ALPK1: variants seen among roughly 807,000 people sequenced by gnomAD.
ALPK1 encodes alpha kinase 1.
ALPK1 carries 110 observed loss-of-function variants against 120.6 expected under a neutral mutation model. That is an observed-to-expected ratio of 0.91 (90% confidence interval 0.78 to 1.07). The LOEUF is 1.07. ALPK1 is among the 50% of genes least tolerant of loss of function. The probability of loss-of-function intolerance (pLI) is 0.00; values close to 1 mark genes in which losing one functional copy is unlikely to be tolerated. For synonymous variants in ALPK1, 582 were observed against 560.3 expected, an observed-to-expected ratio of 1.04 and a Z score of -0.55; for missense variants, 1,498 against 1,483.9, an observed-to-expected ratio of 1.01 and a Z score of -0.16.
At position 112,412,007 on chromosome 4, in the gene ALPK1, C is replaced by T; in HGVS notation, c.457C>T (p.Arg153Ter). 1 of 1,614,060 alleles carries T rather than the reference C, an allele frequency of 6.2e-7. No individual in the cohort carries two copies. The highest frequency in any genetic ancestry group is 8.5e-7 in the Non-Finnish European group (1 of 1,180,028). ...IAPQVVIRQA[R>*]ISVNSGKLLK... ...CCCGCAGGTGGTTATTCGCCAAGCC[C>T]GAATCTCCGTGAACTCAGGTATGCT... The change falls in exon 5 of 16, where the codon CGA becomes TGA. Residue 153 changes from arginine (R) to a stop codon, truncating the protein, a stop_gained. Coordinates refer to ENST00000650871, the MANE Select transcript of ALPK1 (RefSeq NM_025144.4). LOFTEE classifies it high-confidence loss of function.
At chr4:112,346,656 T>G (rs1376296540) in intron 2 of ALPK1, among the ~76,000 whole-genome samples, 2 of 152,208 alleles carry the variant, frequency 1.3e-5, no homozygotes, top group African/African-American at 2.4e-5. Flanking sequence ...GCATTGCAGG[T>G]TTTGGTATGT....
intron 5 of ALPK1, among the ~76,000 whole-genome samples, chr4:112,413,432 T>A (rs1179025138): frequency 6.6e-6 from 1 of 152,220 alleles, no homozygotes; most frequent in African/African-American, 2.4e-5. Context: ...GTTTTTGTTT[T>A]GTTTTTGAGA....
intron 4 of ALPK1, among the ~76,000 whole-genome samples, chr4:112,399,055 G>A (rs559066682): frequency 3.9e-5 from 6 of 152,268 alleles, no homozygotes; most frequent in East Asian, 1.9e-4. Flanking sequence ...GGGCTATGGC[G>A]GGCAATTCCA....
chr4:112,387,917 ACT>A (rs1160934730), intron 4 of ALPK1, among the ~76,000 whole-genome samples: 3 of 151,562 alleles, frequency 2.0e-5, no homozygotes, highest in Non-Finnish European at 2.9e-5. Context: ...TTTTCCTGAT[ACT>A]CTCTCTCCTC....
intron 3 of ALPK1, among the ~76,000 whole-genome samples, chr4:112,380,218 TGAA>T (rs1731838996): frequency 1.3e-5 from 2 of 152,164 alleles, no homozygotes; most frequent in South Asian, 4.1e-4. Context: ...GAAATGCTCT[TGAA>T]GAAATGTTCT....
chr4:112,437,083 A>G (rs572715425), intron 12 of ALPK1, among the ~76,000 whole-genome samples: 1 of 152,326 alleles, frequency 6.6e-6, no homozygotes, highest in East Asian at 1.9e-4. Flanking sequence ...CTGTGTACCT[A>G]GTTTGACTAG....
intron 4 of ALPK1, chr4:112,384,071 C>T (rs553618557): frequency 2.6e-4 from 39 of 152,282 alleles, no homozygotes; most frequent in African/African-American, 9.1e-4. Context: ...ATAAGTTGAA[C>T]AATTGTTAAG....
At chr4:112,373,956 A>G (rs1255329450) in intron 2 of ALPK1, among the ~76,000 whole-genome samples, 3 of 152,194 alleles carry the variant, frequency 2.0e-5, no homozygotes, top group African/African-American at 7.2e-5. Context: ...TCTTGCTTCA[A>G]TGTTGATGGT....
At chr4:112,403,677 G>A (rs1206042790) in intron 4 of ALPK1, among the ~76,000 whole-genome samples, 3 of 152,214 alleles carry the variant, frequency 2.0e-5, no homozygotes, top group Non-Finnish European at 4.4e-5. Context: ...AATTCAGTGA[G>A]TTTGGCCTCT....
chr4:112,327,369 A>C (rs1729158393), intron 2 of ALPK1, among the ~76,000 whole-genome samples: 1 of 152,202 alleles, frequency 6.6e-6, no homozygotes, highest in Admixed American at 6.5e-5. Context: ...GTGTTCAGTA[A>C]ATGGTGGGTA....
chr4:112,345,872 C>T lies in ALPK1; in HGVS notation c.-101+30020C>T, dbSNP rs555782171. Among the ~76,000 whole-genome samples the T allele has an allele frequency of 3.3e-5, 5 of 152,268 alleles. No homozygotes were observed. The East Asian group carries it at 7.7e-4, about 23-fold the overall frequency. ...AAGTATTTCAGAATGTATCCCTAAA[C>T]GATATGAACTCTTGGAGTTTCACTC... On this transcript the variant is annotated intron_variant, in intron 2 of 15. Transcript: ENST00000650871.
At chr4:112,412,047 GC>G in intron 5 of ALPK1, 22 bp downstream of exon 5, 1 of 1,612,292 alleles carries the variant, frequency 6.2e-7, no homozygotes, top group Non-Finnish European at 8.5e-7. Context: ...CCTGCTGGCC[GC>G]CCCCGCGTCC....
chr4:112,434,561 A>G lies in ALPK1; in HGVS notation c.3035-587A>G, dbSNP rs539797904. Among the ~76,000 whole-genome samples the G allele has an allele frequency of 1.2e-3, 178 of 152,252 alleles. 1 individual carries two copies. Among genetic ancestry groups the G allele is most frequent in the African/African-American group, 4.1e-3 (170 of 41,540 alleles). On this transcript the variant is annotated intron_variant, in intron 11 of 15. Coordinates refer to ENST00000650871, the MANE Select transcript of ALPK1 (RefSeq NM_025144.4). ...GCTTAGCACTGTTCTTCCTTTCTAT[A>G]AGGTGGAGACTGCCCCTACTTTTTC...
At chr4:112,412,813 T>G (rs1313269892) in intron 5 of ALPK1, among the ~76,000 whole-genome samples, 1 of 152,232 alleles carries the variant, frequency 6.6e-6, no homozygotes, top group Non-Finnish European at 1.5e-5. Flanking sequence ...TTTTAGCTGT[T>G]GCTATTATTT....
At chr4:112,345,895 C>T (rs1730079143) in intron 2 of ALPK1, among the ~76,000 whole-genome samples, 1 of 152,194 alleles carries the variant, frequency 6.6e-6, no homozygotes, top group Non-Finnish European at 1.5e-5. Context: ...TGGAGTTTCA[C>T]TCTTGTTGCC....
At chr4:112,423,821 G>A (rs915002047) in intron 5 of ALPK1, 123 bp from the exon 6 acceptor site, 25 of 858,996 alleles carry the variant, frequency 2.9e-5, no homozygotes, top group Non-Finnish European at 4.3e-5. Context: ...ATTATAAAAT[G>A]GAATGCTTCC....
intron 2 of ALPK1, chr4:112,358,268 T>C: frequency 1.7e-6 from 1 of 589,826 alleles, no homozygotes; most frequent in Middle Eastern, 2.8e-4. Flanking sequence ...GCTGCCCTCC[T>C]GGGTGCGTCC....
At chr4:112,436,426 T>C (rs906640043) in intron 12 of ALPK1, among the ~76,000 whole-genome samples, 6 of 152,204 alleles carry the variant, frequency 3.9e-5, no homozygotes, top group Non-Finnish European at 8.8e-5. Context: ...ACTCATATAT[T>C]GAAGTTCTCA....
intron 2 of ALPK1, among the ~76,000 whole-genome samples, chr4:112,318,160 G>A (rs1024370522): frequency 2.6e-5 from 4 of 152,116 alleles, no homozygotes; most frequent in African/African-American, 9.7e-5. Flanking sequence ...CTACAACTCT[G>A]GGAATCATTT....
Sources: gnomAD v4.1 joint callset for allele counts (sites outside exome capture counted in the v4.1 genomes callset) on GRCh38, gnomAD v4.1.1 for gene constraint, MANE v1.5 for transcripts, NCBI Gene and HGNC (gene_info 2026-07-23, HGNC 2026-07-21) for gene names.